The following NBEA variants were observed in gnomAD, a reference collection of about 807,000 sequenced individuals.
NBEA encodes the protein lysosomal-trafficking regulator 2.
A neutral mutation model predicts 343.4 loss-of-function variants in NBEA; 44 were observed. That is an observed-to-expected ratio of 0.13 (90% CI 0.10 to 0.16). NBEA has a LOEUF of 0.16. NBEA is among the 10% of genes least tolerant of loss of function. The pLI is 1.00. For synonymous variants in NBEA, 1,175 were observed against 1,238.7 expected, an observed-to-expected ratio of 0.95 and a Z score of 1.08; for missense variants, 2,555 against 3,631.3, an observed-to-expected ratio of 0.70 and a Z score of 7.62.
intron 34 of NBEA, among the ~76,000 whole-genome samples, chr13:35,239,678 G>A (rs74048953): frequency 0.045 from 6,809 of 151,890 alleles, 179 homozygotes; most frequent in South Asian, 0.079. Context: ...ACACATACAC[G>A]CATACCCATA....
chr13:35,580,700 G>C (rs1275850888), intron 45 of NBEA, among the ~76,000 whole-genome samples: 4 of 152,072 alleles, frequency 2.6e-5, no homozygotes, highest in African/African-American at 9.7e-5. Flanking sequence ...AAAATATTAA[G>C]TACAAAGCAA....
At chr13:34,964,479 T>C (rs1037384716) in intron 1 of NBEA, among the ~76,000 whole-genome samples, 5 of 152,056 alleles carry the variant, frequency 3.3e-5, no homozygotes, top group African/African-American at 9.7e-5. Flanking sequence ...ACTTATTTTC[T>C]GGAATTTAAT....
intron 49 of NBEA, among the ~76,000 whole-genome samples, chr13:35,632,360 T>G (rs1369760476): frequency 6.6e-6 from 1 of 152,130 alleles, no homozygotes; most frequent in Non-Finnish European, 1.5e-5. Flanking sequence ...CCTGGGAACT[T>G]GCTAGAACTT....
chr13:35,582,235 C>T (rs980400243), intron 45 of NBEA, among the ~76,000 whole-genome samples: 1 of 152,052 alleles, frequency 6.6e-6, no homozygotes, highest in Admixed American at 6.6e-5. Flanking sequence ...GCAGCGAGCC[C>T]AGATCGCGCC....
chr13:35,254,818 C>A (rs936033061), intron 34 of NBEA, among the ~76,000 whole-genome samples: 1 of 151,846 alleles, frequency 6.6e-6, no homozygotes, highest in Admixed American at 6.6e-5. Context: ...ATTGTTATAT[C>A]CAAAATTTCA....
intron 47 of NBEA, among the ~76,000 whole-genome samples, chr13:35,595,559 T>C (rs962039118): frequency 1.3e-4 from 20 of 152,072 alleles, no homozygotes; most frequent in Non-Finnish European, 2.2e-4. Context: ...TGATCTCTGG[T>C]TGATGGAGAA....
chr13:35,625,330 A>G (rs2083174496), intron 48 of NBEA, among the ~76,000 whole-genome samples: 1 of 152,186 alleles, frequency 6.6e-6, no homozygotes, highest in Admixed American at 6.5e-5. Context: ...AAAATATATA[A>G]ATCAGGCCAG....
chr13:35,536,423 T>G (rs2078546029), intron 41 of NBEA, among the ~76,000 whole-genome samples: 1 of 152,222 alleles, frequency 6.6e-6, no homozygotes, highest in Non-Finnish European at 1.5e-5. Context: ...TTTGTTTTTT[T>G]TTAATTTCAA....
intron 41 of NBEA, chr13:35,475,704 G>A (rs1271279506): frequency 3.1e-6 from 5 of 1,613,622 alleles, no homozygotes; most frequent in South Asian, 1.1e-5. Context: ...CCACATCCCG[G>A]TAGCTACATT....
At chr13:35,132,893 G>C (rs1306239837) in intron 17 of NBEA, among the ~76,000 whole-genome samples, 1 of 152,120 alleles carries the variant, frequency 6.6e-6, no homozygotes, top group African/African-American at 2.4e-5. Context: ...GTTCAGTAAA[G>C]CTAGTAAAAA....
Position 34,943,116 on chromosome 13 carries a change from T to G in NBEA, c.294+2T>G. 1 of 1,613,212 alleles carries G rather than the reference T, an allele frequency of 6.2e-7. No individual in the cohort carries two copies. The highest frequency in any genetic ancestry group is 1.7e-5 in the Admixed American group (1 of 60,004). Reference sequence around the variant, plus strand: ...ATCGTGGAGACGGTGCTCAACCTGGTAAGGAAAAGGCGTGCTCTCAATCTG... The same window carrying G: ...ATCGTGGAGACGGTGCTCAACCTGGGAAGGAAAAGGCGTGCTCTCAATCTG... On this transcript the variant is annotated splice_donor_variant, in intron 1 of 58. Transcript: ENST00000379939. LOFTEE classifies it high-confidence loss of function.
At chr13:35,227,216 G>A (rs1566487239) in intron 33 of NBEA, among the ~76,000 whole-genome samples, 3 of 151,640 alleles carry the variant, frequency 2.0e-5, no homozygotes, top group Non-Finnish European at 4.4e-5. Flanking sequence ...TTGTCAGTAG[G>A]TAATTATGTC....
intron 8 of NBEA, 91 bp downstream of exon 8, chr13:35,058,954 G>C (rs2063364429): frequency 2.8e-6 from 3 of 1,062,690 alleles, no homozygotes; most frequent in Non-Finnish European, 3.8e-6. Context: ...CTTTAATACG[G>C]TTTAAGAGTC....
intron 1 of NBEA, among the ~76,000 whole-genome samples, chr13:35,015,019 C>A (rs2061602493): frequency 6.6e-6 from 1 of 151,274 alleles, no homozygotes; most frequent in South Asian, 2.1e-4. Flanking sequence ...GCATCATCAC[C>A]TCCTCTTGCC....
chr13:35,422,566 G>T (rs1427782390), intron 38 of NBEA, among the ~76,000 whole-genome samples: 1 of 152,042 alleles, frequency 6.6e-6, no homozygotes, highest in African/African-American at 2.4e-5. Flanking sequence ...CATTTGGGTT[G>T]GTTCCAAGTC....
chr13:34,982,429 A>G (rs2060388626), intron 1 of NBEA, among the ~76,000 whole-genome samples: 1 of 151,894 alleles, frequency 6.6e-6, no homozygotes, highest in Non-Finnish European at 1.5e-5. Flanking sequence ...CCTCCCTAGT[A>G]GCTGGAATTA....
chr13:35,367,884 A>G (rs1156907198), intron 38 of NBEA, among the ~76,000 whole-genome samples: 2 of 151,512 alleles, frequency 1.3e-5, no homozygotes, highest in South Asian at 2.1e-4. Context: ...ACACATTACT[A>G]AGCAGTAAGT....
chr13:35,164,579 T>G, intron 24 of NBEA, 70 bp downstream of exon 24: 3 of 1,480,614 alleles, frequency 2.0e-6, no homozygotes, highest in Non-Finnish European at 2.8e-6. Context: ...AGTGGTGGTC[T>G]AGGCTATAAA....
chr13:35,230,984 G>T (rs972617459), intron 33 of NBEA, among the ~76,000 whole-genome samples: 4 of 151,980 alleles, frequency 2.6e-5, no homozygotes, highest in African/African-American at 9.7e-5. Flanking sequence ...TCTTCAGGAG[G>T]TCCTTGCTTT....
Sources: gnomAD v4.1 joint callset for allele counts (sites outside exome capture counted in the v4.1 genomes callset) on GRCh38, gnomAD v4.1.1 for gene constraint, MANE v1.5 for transcripts, NCBI Gene and HGNC (gene_info 2026-07-23, HGNC 2026-07-21) for gene names.